FAM83G: variants seen among roughly 807,000 people sequenced by gnomAD.
FAM83G encodes protein FAM83G.
In FAM83G, 38 loss-of-function variants were observed where a neutral mutation model predicts 61.5. That is an observed-to-expected ratio of 0.62 (90% CI 0.48 to 0.81). The LOEUF (loss-of-function observed/expected upper bound fraction) is 0.81, where lower values mean the gene tolerates loss of function less well. Among genes scored for constraint, FAM83G ranks in the 30% least tolerant of loss-of-function variants. FAM83G has a pLI of 0.00. For synonymous variants in FAM83G, 470 were observed against 476.1 expected (o/e 0.99, Z 0.17); for missense variants, 989 against 1,133.6 (o/e 0.87, Z 1.83).
intron 5 of FAM83G, among the ~76,000 whole-genome samples, chr17:18,974,639 C>T (rs1334850098): frequency 6.6e-6 from 1 of 152,232 alleles, no homozygotes; most frequent in Non-Finnish European, 1.5e-5. Flanking sequence ...CTCCAATGGC[C>T]ACACCCCAAA....
Position 18,971,132 on chromosome 17 carries a change from C to G in FAM83G, c.*227G>C. 6.2e-7 allele frequency: 1 copy of G among 1,614,094 alleles called. No homozygotes were observed. Among genetic ancestry groups the G allele is most frequent in the Non-Finnish European group, 8.5e-7 (1 of 1,180,032 alleles). ...ACGTACAGACGCCATGCACATGTTT[C>G]GAGACCCCCACACAGGGGACCTGCC... On this transcript the variant is annotated 3_prime_UTR_variant, in exon 6 of 6. Transcript: ENST00000388995. This position sits in a 1 kb window ranked among gnomAD's most constrained non-coding sequence, Gnocchi z 5.5.
In FAM83G at chr17:18,978,739, A is replaced by G; in HGVS notation, c.927T>C (p.Ser309=). The G allele has an allele frequency of 1.9e-6, 3 of 1,612,960 alleles. No individual in the cohort carries two copies. The highest frequency in any genetic ancestry group is 2.5e-6 in the Non-Finnish European group (3 of 1,180,006). The change falls in exon 5 of 6, where the codon AGT becomes AGC. Residue 309 remains serine, a synonymous_variant. Coordinates refer to ENST00000388995, the MANE Select transcript of FAM83G (RefSeq NM_001039999.3). Reference sequence around the variant, plus strand: ...CCATAGGGATGCCCTTGAGGCTCACACTGTGTGACATGAGGTACAGCTCCT... The same window carrying G: ...CCATAGGGATGCCCTTGAGGCTCACGCTGTGTGACATGAGGTACAGCTCCT... ...QFQELYLMSH[S]VSLKGIPMEK...
rs1026758058 is a variant in FAM83G, at chr17:18,978,525, G to A, written c.1141C>T (p.Leu381=). ...KKPLGLKGPA[L]AEHPGELPEL... ...GGGAGTTCCCCTGGATGCTCAGCCA[G>A]CGCTGGGCCTTTCAGCCCCAGGGGC... The change falls in exon 5 of 6, where the codon CTG becomes TTG. Residue 381 remains leucine (L), a synonymous_variant. Transcript: ENST00000388995. 1 of 1,613,360 alleles carries A rather than the reference G, an allele frequency of 6.2e-7. No individual in the cohort carries two copies. Among genetic ancestry groups the A allele is most frequent in the African/African-American group, 1.3e-5 (1 of 75,034 alleles).
Position 18,977,643 on chromosome 17 carries a change from C to A in FAM83G, c.2023G>T (p.Glu675Ter). The change falls in exon 5 of 6, where the codon GAA becomes TAA. Residue 675 changes from glutamate to a stop codon, truncating the protein, a stop_gained. Transcript: ENST00000388995. LOFTEE classifies it high-confidence loss of function. ...GSPWAQSRGR[E>*]EADALKRMQA... The stretch of plus-strand genomic sequence containing the variant: ...ATCCTCTTCAACGCATCTGCTTCTT[C>A]TCTTCCCCGACTCTGGGCCCATGGG... The A allele has an allele frequency of 6.2e-7, 1 of 1,609,964 alleles. No individual in the cohort carries two copies. The highest frequency in any genetic ancestry group is 8.5e-7 in the Non-Finnish European group (1 of 1,179,956).
At chr17:18,986,577 C>T (rs1002535775) in intron 3 of FAM83G, among the ~76,000 whole-genome samples, 2 of 152,348 alleles carry the variant, frequency 1.3e-5, no homozygotes, top group Admixed American at 1.3e-4. Context: ...CCCACCTGCC[C>T]CATTGCCTCC....
chr17:18,990,263 G>A (rs1291364368), intron 2 of FAM83G, among the ~76,000 whole-genome samples: 1 of 152,198 alleles, frequency 6.6e-6, no homozygotes, highest in African/African-American at 2.4e-5. Flanking sequence ...GGGGGTAGAT[G>A]ATAGGGCAGA....
chr17:18,969,111 C>G lies in FAM83G; in HGVS notation c.*2248G>C, dbSNP rs1231758177. ...TCTGCCTGGGCTGGAACTTCTACCT[C>G]TCCACCATCCTCACGCTCGGCATCA... On this transcript the variant is annotated 3_prime_UTR_variant, in exon 6 of 6. Transcript: ENST00000388995. The G allele has an allele frequency of 8.7e-6, 14 of 1,614,048 alleles. No homozygotes were observed. The highest frequency in any genetic ancestry group is 1.2e-5 in the Non-Finnish European group (14 of 1,180,010).
At chr17:18,982,599 G>T (rs1036056991) in intron 3 of FAM83G, among the ~76,000 whole-genome samples, 1 of 152,158 alleles carries the variant, frequency 6.6e-6, no homozygotes, top group African/African-American at 2.4e-5. Context: ...GAGGACGGCC[G>T]GGTGGTGCTT....
chr17:18,984,567 G>C (rs1205150463), intron 3 of FAM83G, among the ~76,000 whole-genome samples: 1 of 152,230 alleles, frequency 6.6e-6, no homozygotes, highest in African/African-American at 2.4e-5. Context: ...TTGTTCATCA[G>C]AAACGGGAAA....
In FAM83G at chr17:18,977,754, C is replaced by A; in HGVS notation, c.1912G>T (p.Ala638Ser). ...CGCGGTGGTGGGGTTGGCCCGTTGGCCACTTGCTCTGAGTGGCGCCTCCGG... is the reference window on the plus strand; with the variant it reads ...CGCGGTGGTGGGGTTGGCCCGTTGGACACTTGCTCTGAGTGGCGCCTCCGG... ...PLRRRHSEQV[A>S]NGPTPPPRRQ... is the part of the protein sequence containing the mutation. The change falls in exon 5 of 6, where the codon GCC (alanine) becomes TCC (serine). Residue 638 changes from alanine to serine, a missense_variant. Ala to Ser is a moderately conservative substitution (Grantham distance 99). Transcript: ENST00000388995. 1 of 1,604,480 alleles carries A rather than the reference C, an allele frequency of 6.2e-7. No homozygotes were observed. The highest frequency in any genetic ancestry group is 8.5e-7 in the Non-Finnish European group (1 of 1,175,754).
At chr17:18,981,637 C>G (rs905906561) in intron 3 of FAM83G, among the ~76,000 whole-genome samples, 1 of 152,190 alleles carries the variant, frequency 6.6e-6, no homozygotes, top group African/African-American at 2.4e-5. Flanking sequence ...AGGCAAGCAA[C>G]CACAGAGGCA....
rs761977884 is a variant in FAM83G at position 18,978,527 on chromosome 17, G to C, written c.1139C>G (p.Ala380Gly). The part of the protein sequence containing the change: ...AKKPLGLKGP[A>G]LAEHPGELPE... ...GAGTTCCCCTGGATGCTCAGCCAGC[G>C]CTGGGCCTTTCAGCCCCAGGGGCTT... Residue 380 changes from alanine to glycine, a missense_variant, in exon 5 of 6, where the codon GCG becomes GGG. Transcript: ENST00000388995. 1.2e-6 allele frequency: 2 copies of C among 1,613,328 alleles called. No individual in the cohort carries two copies. The highest frequency in any genetic ancestry group is 1.7e-6 in the Non-Finnish European group (2 of 1,179,978).
intron 3 of FAM83G, among the ~76,000 whole-genome samples, chr17:18,983,369 T>TA (rs2043186801): frequency 6.6e-6 from 1 of 152,264 alleles, no homozygotes; most frequent in Non-Finnish European, 1.5e-5. Context: ...GTGAGCCATG[T>TA]AGGCAGCACC....
chr17:18,977,499 G>T, intron 5 of FAM83G, 85 bp downstream of exon 5: 2 of 1,319,830 alleles, frequency 1.5e-6, no homozygotes, highest in East Asian at 2.3e-5. Flanking sequence ...CAGGGACATG[G>T]TAGCCCAGAA....
chr17:18,977,590 C>T lies in FAM83G; in HGVS notation c.2076G>A (p.Glu692=). The change falls in exon 5 of 6, where the codon GAG becomes GAA. Residue 692 remains glutamate (E), a synonymous_variant. Transcript: ENST00000388995. ...RMQAQRSTDK[E]AQGQQFHHHR... The stretch of plus-strand genomic sequence containing the variant: ...TGCAGGGACCCTGACCCACCTGTGC[C>T]TCCTTGTCTGTGGAGCGCTGGGCCT... 6.2e-7 allele frequency: 1 copy of T among 1,608,176 alleles called. No homozygotes were observed.
chr17:18,980,391 CTG>C (rs2043100868), intron 3 of FAM83G, among the ~76,000 whole-genome samples: 2 of 152,130 alleles, frequency 1.3e-5, no homozygotes, highest in South Asian at 4.1e-4. Context: ...CCCTCAGAGA[CTG>C]TGGCCAAGGG....
chr17:18,984,936 C>A (rs1003075929), intron 3 of FAM83G, among the ~76,000 whole-genome samples: 5 of 152,248 alleles, frequency 3.3e-5, no homozygotes, highest in African/African-American at 7.2e-5. Flanking sequence ...TGGCTGGGAG[C>A]CCCACATTTG....
intron 2 of FAM83G, among the ~76,000 whole-genome samples, chr17:18,997,284 G>C (rs1340906383): frequency 6.6e-6 from 1 of 152,248 alleles, no homozygotes; most frequent in Non-Finnish European, 1.5e-5. Flanking sequence ...TCATGGCTCA[G>C]GAATACTGCA....
rs751392060 is a variant in FAM83G, at chr17:18,971,213, G to T, written c.*146C>A. ...CATGGCCACCTGGTACTGGTGCACC[G>T]ACCAGGTGAGTGCCAACGTCTCCCG... On this transcript the variant is annotated 3_prime_UTR_variant, in exon 6 of 6. Coordinates refer to ENST00000388995, the MANE Select transcript of FAM83G (RefSeq NM_001039999.3). This position sits in a 1 kb window ranked among gnomAD's most constrained non-coding sequence, Gnocchi z 5.5. The T allele has an allele frequency of 6.2e-7, 1 of 1,613,852 alleles. No homozygotes were observed. Among genetic ancestry groups the T allele is most frequent in the Admixed American group, 1.7e-5 (1 of 60,032 alleles).
Sources: allele counts gnomAD v4.1 joint callset (sites outside exome capture counted in the v4.1 genomes callset), GRCh38; gene constraint gnomAD v4.1.1; non-coding constraint Gnocchi (gnomAD v3.1); transcripts MANE v1.5; gene names NCBI Gene and HGNC (gene_info 2026-07-23, HGNC 2026-07-21).